The following SDCCAG8 variants were observed in gnomAD, a reference collection of about 807,000 sequenced individuals.
The protein encoded by SDCCAG8 is serologically defined colon cancer antigen 8.
SDCCAG8 carries 74 observed loss-of-function variants against 101.8 expected under a neutral mutation model. The ratio of observed to expected loss-of-function variants is 0.73; its 90% CI spans 0.60 to 0.88. The LOEUF is 0.88. Among genes scored for constraint, SDCCAG8 ranks in the 40% least tolerant of loss-of-function variants. SDCCAG8 has a pLI of 0.00. For synonymous variants in SDCCAG8, 281 were observed against 292.9 expected, an observed-to-expected ratio of 0.96 and a Z score of 0.41; for missense variants, 787 against 822.6, an observed-to-expected ratio of 0.96 and a Z score of 0.53.
chr1:243,418,156 C>A, intron 15 of SDCCAG8, 80 bp downstream of exon 15: 1 of 977,034 alleles, frequency 1.0e-6, no homozygotes, highest in Non-Finnish European at 1.6e-6. Flanking sequence ...ATCATTTGCA[C>A]TGTTTTATAG....
At chr1:243,468,445 T>C (rs1660576964) in intron 16 of SDCCAG8, among the ~76,000 whole-genome samples, 1 of 152,214 alleles carries the variant, frequency 6.6e-6, no homozygotes, top group Non-Finnish European at 1.5e-5. Context: ...CTCGAACTCC[T>C]GACCTCAGGT....
intron 1 of SDCCAG8, chr1:243,268,037 T>A (rs2067774377): frequency 2.6e-6 from 2 of 775,012 alleles, no homozygotes; most frequent in East Asian, 4.9e-5. Flanking sequence ...TTTTAATCTA[T>A]CCTTTTCTTT....
intron 16 of SDCCAG8, among the ~76,000 whole-genome samples, chr1:243,440,178 A>T (rs901690447): frequency 1.3e-5 from 2 of 152,200 alleles, no homozygotes; most frequent in African/African-American, 4.8e-5. Context: ...AAAAGGTCCC[A>T]CCTCATAGGG....
intron 13 of SDCCAG8, among the ~76,000 whole-genome samples, chr1:243,403,169 A>C (rs1181937805): frequency 6.6e-6 from 1 of 152,176 alleles, no homozygotes; most frequent in South Asian, 2.1e-4. Flanking sequence ...ATATCATTTT[A>C]TTAATGAGAA....
intron 16 of SDCCAG8, among the ~76,000 whole-genome samples, chr1:243,436,494 A>G (rs1344327296): frequency 6.6e-6 from 1 of 152,030 alleles, no homozygotes; most frequent in Admixed American, 6.6e-5. Context: ...TAAAAACTCT[A>G]TTTTTGCTCT....
chr1:243,388,114 T>C (rs1411487010), intron 13 of SDCCAG8, among the ~76,000 whole-genome samples: 1 of 152,060 alleles, frequency 6.6e-6, no homozygotes, highest in Non-Finnish European at 1.5e-5. Flanking sequence ...AAAGGAGAAA[T>C]TGATAAATTT....
chr1:243,340,957 G>A lies in SDCCAG8; in HGVS notation c.1222-82G>A, dbSNP rs1042475616. The A allele has an allele frequency of 7.4e-5, 104 of 1,404,786 alleles. No individual in the cohort carries two copies. In the South Asian group the frequency reaches 1.2e-3, roughly 16 times the overall value. 87.0% of individuals were successfully genotyped at this position (1,404,786 alleles called of 1,614,324 possible). On this transcript the variant is annotated intron_variant, in intron 10 of 17. Coordinates refer to ENST00000366541, the MANE Select transcript of SDCCAG8 (RefSeq NM_006642.5). ...GCTCACAGAGCCCAGTGACTATGCT[G>A]AGACGCTATTAATTCAAGAAAGTTT...
chr1:243,481,904 A>T (rs1280535968), intron 16 of SDCCAG8, among the ~76,000 whole-genome samples: 1 of 152,218 alleles, frequency 6.6e-6, no homozygotes, highest in Non-Finnish European at 1.5e-5. Flanking sequence ...ACATACACGC[A>T]TAAGGATATA....
chr1:243,449,360 A>G (rs902923565), intron 16 of SDCCAG8, among the ~76,000 whole-genome samples: 2 of 152,258 alleles, frequency 1.3e-5, no homozygotes, highest in Non-Finnish European at 2.9e-5. Context: ...TGGCTGATAC[A>G]TTAAAGAATA....
chr1:243,453,005 C>T (rs2083478906), intron 16 of SDCCAG8, among the ~76,000 whole-genome samples: 1 of 152,206 alleles, frequency 6.6e-6, no homozygotes, highest in Admixed American at 6.5e-5. Context: ...TGATTTCCTG[C>T]TGCCTAGAAC....
intron 14 of SDCCAG8, 106 bp downstream of exon 14, chr1:243,415,935 G>T: frequency 7.5e-7 from 1 of 1,339,474 alleles, no homozygotes; most frequent in Non-Finnish European, 1.0e-6. Context: ...GCTGGCCGAA[G>T]GGAGCAGATG....
chr1:243,458,142 G>A lies in SDCCAG8; in HGVS notation c.1986-30872G>A, dbSNP rs901274681. On this transcript the variant is annotated intron_variant, in intron 16 of 17. Transcript: ENST00000366541. The surrounding 1 kb of genome is among the most constrained non-coding windows in gnomAD (Gnocchi z 4.5). ...AGTTACTAATTTTAGAAGTGTTCTC[G>A]TGAAGACATCTGACTACTCAGCACA... is the stretch of plus-strand genomic sequence containing the variant. 4.6e-5 allele frequency among the ~76,000 whole-genome samples: 7 copies of A among 152,136 alleles called. No homozygotes were observed. The highest frequency in any genetic ancestry group is 1.4e-4 in the African/African-American group (6 of 41,442).
chr1:243,336,068 C>A (rs1025854093), intron 10 of SDCCAG8, among the ~76,000 whole-genome samples: 5 of 152,122 alleles, frequency 3.3e-5, no homozygotes, highest in African/African-American at 1.2e-4. Context: ...GATTCCATGT[C>A]TTTGCTATTG....
In SDCCAG8 at chr1:243,270,205, G is replaced by A. The variant is rs1161608103; in HGVS notation, c.168G>A (p.Val56=). ...DAPNLSFSTS[V]GNEDARTAWP... ...CAAATCTTTCTTTTAGCACCAGTGT[G>A]GGAAATGAGGACGCCAGGACAGCCT... is the stretch of plus-strand genomic sequence containing the variant. The change falls in exon 2 of 18, where the codon GTG becomes GTA. Residue 56 remains valine, a synonymous_variant. Coordinates refer to ENST00000366541, the MANE Select transcript of SDCCAG8 (RefSeq NM_006642.5). 6.2e-7 allele frequency: 1 copy of A among 1,614,146 alleles called. No individual in the cohort carries two copies. Among genetic ancestry groups the A allele is most frequent in the Non-Finnish European group, 8.5e-7 (1 of 1,180,022 alleles).
rs548747175 is a variant in SDCCAG8 at position 243,266,403 on chromosome 1, G to A, written c.68-3702G>A. Among the ~76,000 whole-genome samples, 6 of 142,076 alleles carry A rather than the reference G, an allele frequency of 4.2e-5. No individual in the cohort carries two copies. In the East Asian group the frequency reaches 6.2e-4, roughly 15 times the overall value. The allele number at this position is 142,076 out of a possible 152,430, so 93.2% of individuals were successfully genotyped here. On this transcript the variant is annotated intron_variant, in intron 1 of 17. Coordinates refer to ENST00000366541, the MANE Select transcript of SDCCAG8 (RefSeq NM_006642.5). ...GTGATCTCGGCTCACTGCAACCTCCGCCCCCCGGCTTCAAGCAACTCTGTT... is the reference window on the plus strand; with the variant it reads ...GTGATCTCGGCTCACTGCAACCTCCACCCCCCGGCTTCAAGCAACTCTGTT...
At chr1:243,455,382 G>A (rs1052076396) in intron 16 of SDCCAG8, among the ~76,000 whole-genome samples, 16 of 152,140 alleles carry the variant, frequency 1.1e-4, no homozygotes, top group Admixed American at 3.9e-4. Flanking sequence ...CAATTCTCCT[G>A]CCTCAGCCTC....
intron 13 of SDCCAG8, among the ~76,000 whole-genome samples, chr1:243,399,362 A>G (rs1411145693): frequency 6.6e-6 from 1 of 152,176 alleles, no homozygotes; most frequent in East Asian, 1.9e-4. Context: ...AGTCTTTCAC[A>G]GCCTGTTTTG....
intron 9 of SDCCAG8, 36 bp downstream of exon 9, chr1:243,316,929 T>C: frequency 6.7e-7 from 1 of 1,490,360 alleles, no homozygotes; most frequent in Non-Finnish European, 9.2e-7. Flanking sequence ...AGTGTCTTTC[T>C]TTTTTTTTTC....
At chr1:243,496,329 C>T (rs550478760) in intron 17 of SDCCAG8, among the ~76,000 whole-genome samples, 2 of 152,268 alleles carry the variant, frequency 1.3e-5, no homozygotes, top group East Asian at 1.9e-4. Flanking sequence ...GCCCAGAACA[C>T]GAGGCGGAGG....
Sources: gnomAD v4.1 joint callset for allele counts (sites outside exome capture counted in the v4.1 genomes callset) on GRCh38, gnomAD v4.1.1 for gene constraint, Gnocchi (gnomAD v3.1) non-coding constraint, MANE v1.5 for transcripts, NCBI Gene and HGNC (gene_info 2026-07-23, HGNC 2026-07-21) for gene names.